The following ADGRL3 variants were observed in gnomAD, a reference collection of about 807,000 sequenced individuals.
ADGRL3 encodes adhesion G protein-coupled receptor L3, also known as calcium-independent alpha-latrotoxin receptor 3.
In ADGRL3, 62 loss-of-function variants were observed where a neutral mutation model predicts 153.5. The observed-to-expected ratio is 0.40, with a 90% confidence interval of 0.33 to 0.50. ADGRL3 has a LOEUF of 0.50. Ranked by LOEUF, ADGRL3 falls within the 20% of genes least tolerant of loss-of-function variation. ADGRL3 has a pLI of 0.47. For missense variants in ADGRL3, 1,641 were observed against 1,859.4 expected (o/e 0.88, Z 2.16); for synonymous variants, 710 against 672.5 (o/e 1.06, Z -0.86).
chr4:61,481,760 G>A (rs1264055198), intron 2 of ADGRL3, among the ~76,000 whole-genome samples: 3 of 151,186 alleles, frequency 2.0e-5, no homozygotes, highest in African/African-American at 7.3e-5. Flanking sequence ...TTTTCACAAG[G>A]CCACTATTTT....
At chr4:61,604,337 T>C (rs1419582968) in intron 5 of ADGRL3, among the ~76,000 whole-genome samples, 1 of 152,220 alleles carries the variant, frequency 6.6e-6, no homozygotes, top group Non-Finnish European at 1.5e-5. Flanking sequence ...GAGCCATGCT[T>C]ATACTAACTA....
chr4:61,358,617 A>ATC (rs1193023685), intron 1 of ADGRL3, among the ~76,000 whole-genome samples: 3 of 144,252 alleles, frequency 2.1e-5, no homozygotes, highest in Non-Finnish European at 4.6e-5. Context: ...AAAAAAAAAA[A>ATC]GAAAGCAGAC....
intron 9 of ADGRL3, among the ~76,000 whole-genome samples, chr4:61,880,504 ATCT>A (rs375323660): frequency 3.3e-5 from 5 of 152,324 alleles, no homozygotes; most frequent in African/African-American, 4.8e-5. Flanking sequence ...GTATACATAG[ATCT>A]TCTGAAAATA....
At chr4:61,721,818 G>A (rs1180851797) in intron 6 of ADGRL3, among the ~76,000 whole-genome samples, 1 of 152,020 alleles carries the variant, frequency 6.6e-6, no homozygotes, top group African/African-American at 2.4e-5. Flanking sequence ...AAAAATAAAA[G>A]GTAAATCAGA....
intron 1 of ADGRL3, among the ~76,000 whole-genome samples, chr4:61,260,079 T>G (rs7683030): frequency 0.65 from 98,939 of 152,000 alleles, 32,361 homozygotes; most frequent in East Asian, 0.7. Context: ...AAACATGCTA[T>G]ATATTAATAC....
chr4:61,306,927 T>C (rs1201048072), intron 1 of ADGRL3, among the ~76,000 whole-genome samples: 2 of 152,212 alleles, frequency 1.3e-5, no homozygotes, highest in East Asian at 3.9e-4. Context: ...ACAGCTACCA[T>C]TGGCAATCTC....
At chr4:61,643,225 T>G (rs377252291) in intron 5 of ADGRL3, among the ~76,000 whole-genome samples, 3 of 151,172 alleles carry the variant, frequency 2.0e-5, no homozygotes, top group Admixed American at 6.6e-5. Context: ...ACAATCATGT[T>G]GTCTGCAAAC....
rs551080132 is a variant in ADGRL3, at chr4:61,324,169, A to C, written c.-239-58955A>C. ...CATCTCCCACTGGGTTCCTCTCACA[A>C]CACTTGGGAATAATGGGAGCTACAA... On this transcript the variant is annotated intron_variant, in intron 1 of 26. Coordinates refer to ENST00000683033, the MANE Select transcript of ADGRL3 (RefSeq NM_001387552.1). Among the ~76,000 whole-genome samples, 136 of 152,256 alleles carry C rather than the reference A, an allele frequency of 8.9e-4. 1 individual carries two copies. Among genetic ancestry groups the C allele is most frequent in the South Asian group, 1.7e-3 (8 of 4,820 alleles).
chr4:61,454,750 A>G (rs1164408995), intron 2 of ADGRL3, among the ~76,000 whole-genome samples: 1 of 152,166 alleles, frequency 6.6e-6, no homozygotes, highest in Admixed American at 6.6e-5. Flanking sequence ...CAAGACTCAT[A>G]TAAGAATACT....
chr4:61,814,828 C>T (rs1402793215), intron 9 of ADGRL3, among the ~76,000 whole-genome samples: 3 of 151,970 alleles, frequency 2.0e-5, no homozygotes, highest in Admixed American at 1.3e-4. Flanking sequence ...TAGGGTGGAC[C>T]TATGTGCACG....
intron 1 of ADGRL3, among the ~76,000 whole-genome samples, chr4:61,314,514 C>T (rs1313979175): frequency 6.6e-6 from 1 of 152,130 alleles, no homozygotes; most frequent in Admixed American, 6.6e-5. Context: ...GGCCCCCTAC[C>T]TTGATTTTTA....
chr4:61,815,772 A>G (rs1265983221), intron 9 of ADGRL3, among the ~76,000 whole-genome samples: 2 of 152,190 alleles, frequency 1.3e-5, no homozygotes, highest in Non-Finnish European at 2.9e-5. Flanking sequence ...GCCTAGAGGA[A>G]ACTAGGTAGG....
chr4:61,782,448 A>G (rs2097224377), intron 8 of ADGRL3, among the ~76,000 whole-genome samples: 1 of 152,212 alleles, frequency 6.6e-6, no homozygotes, highest in Admixed American at 6.5e-5. Context: ...ACTTTAAGAC[A>G]TGAGTTTTAA....
chr4:61,906,862 T>A (rs985199406), intron 11 of ADGRL3, among the ~76,000 whole-genome samples: 15 of 152,068 alleles, frequency 9.9e-5, no homozygotes, highest in African/African-American at 3.4e-4. Context: ...CCCAAGTAGA[T>A]CATGATAATC....
chr4:61,498,175 C>T (rs1405049574), intron 3 of ADGRL3, among the ~76,000 whole-genome samples: 2 of 152,036 alleles, frequency 1.3e-5, no homozygotes, highest in Admixed American at 6.6e-5. Flanking sequence ...CTTTAATATA[C>T]AGAACACAAA....
At chr4:62,054,291 T>G (rs926081996) in intron 25 of ADGRL3, among the ~76,000 whole-genome samples, 3 of 151,626 alleles carry the variant, frequency 2.0e-5, no homozygotes, top group African/African-American at 7.2e-5. Flanking sequence ...AAAGATGAGC[T>G]TTAGAGATTA....
chr4:61,322,830 A>G (rs989219924), intron 1 of ADGRL3, among the ~76,000 whole-genome samples: 3 of 152,118 alleles, frequency 2.0e-5, no homozygotes, highest in Non-Finnish European at 4.4e-5. Flanking sequence ...CAGTGTATCT[A>G]CCATTCTGGA....
chr4:61,473,303 G>A (rs1237569587), intron 2 of ADGRL3, among the ~76,000 whole-genome samples: 1 of 151,436 alleles, frequency 6.6e-6, no homozygotes, highest in African/African-American at 2.4e-5. Flanking sequence ...GAGATTAGAG[G>A]TTTTTAAAAA....
At chr4:61,592,797 C>G (rs952495100) in intron 5 of ADGRL3, among the ~76,000 whole-genome samples, 1 of 152,000 alleles carries the variant, frequency 6.6e-6, no homozygotes, top group African/African-American at 2.4e-5. Context: ...GTAAATGATT[C>G]AAATATTTCA....
Sources: allele counts gnomAD v4.1 joint callset (sites outside exome capture counted in the v4.1 genomes callset), GRCh38; gene constraint gnomAD v4.1.1; transcripts MANE v1.5; gene names NCBI Gene and HGNC (gene_info 2026-07-23, HGNC 2026-07-21).